Variants in TANC2 observed in about 807,000 individuals in gnomAD.
The protein encoded by TANC2 is tetratricopeptide repeat, ankyrin repeat and coiled-coil containing 2.
In TANC2, 26 loss-of-function variants were observed where a neutral mutation model predicts 210.5. The observed-to-expected ratio is 0.12, with a 90% CI of 0.09 to 0.17. The LOEUF (loss-of-function observed/expected upper bound fraction) is 0.17, where lower values mean the gene tolerates loss of function less well. Among genes scored for constraint, TANC2 ranks in the 10% least tolerant of loss-of-function variants. TANC2 has a pLI of 1.00. For missense variants in TANC2, 2,129 were observed against 2,608.9 expected, an observed-to-expected ratio of 0.82 and a Z score of 4.01; for synonymous variants, 931 against 967.1, an observed-to-expected ratio of 0.96 and a Z score of 0.69.
intron 10 of TANC2, among the ~76,000 whole-genome samples, chr17:63,318,040 G>A (rs545916453): frequency 6.6e-6 from 1 of 152,238 alleles, no homozygotes; most frequent in African/African-American, 2.4e-5. Context: ...CCACCCCCCT[G>A]CAGTTATCCA....
At chr17:63,266,227 A>C (rs1209203556) in intron 8 of TANC2, among the ~76,000 whole-genome samples, 1 of 152,158 alleles carries the variant, frequency 6.6e-6, no homozygotes, top group African/African-American at 2.4e-5. Flanking sequence ...AATTTTAATA[A>C]ATTTTTAATA....
intron 12 of TANC2, among the ~76,000 whole-genome samples, chr17:63,342,692 C>G (rs370400813): frequency 2.0e-5 from 3 of 151,940 alleles, no homozygotes; most frequent in African/African-American, 7.3e-5. Context: ...AGGAGAATGG[C>G]GTGAACCCGG....
intron 25 of TANC2, 120 bp downstream of exon 25, chr17:63,413,754 TC>T (rs2048777886): frequency 2.2e-6 from 2 of 890,712 alleles, no homozygotes; most frequent in Admixed American, 4.7e-5. Flanking sequence ...AAACTACTGT[TC>T]CTCAGTGATG....
intron 11 of TANC2, among the ~76,000 whole-genome samples, chr17:63,336,890 ATAG>A (rs2046049416): frequency 6.6e-6 from 1 of 152,224 alleles, no homozygotes; most frequent in Non-Finnish European, 1.5e-5. Context: ...AGGAGCTGTA[ATAG>A]TAGTGACTAT....
chr17:63,216,737 GTGT>G (rs1418309537), intron 7 of TANC2, among the ~76,000 whole-genome samples: 9 of 152,166 alleles, frequency 5.9e-5, no homozygotes, highest in Admixed American at 2.0e-4. Context: ...GGTATCAGAA[GTGT>G]TGTGAGTAAA....
At chr17:63,403,838 C>T (rs1319499996) in intron 19 of TANC2, among the ~76,000 whole-genome samples, 2 of 152,228 alleles carry the variant, frequency 1.3e-5, no homozygotes, top group East Asian at 3.9e-4. Context: ...TTTATACTTG[C>T]GGAAATTACA....
At position 63,421,860 on chromosome 17, in the gene TANC2, C is replaced by A; in HGVS notation, c.6130C>A (p.Gln2044Lys). ...GACTCTACCTGTGGCTCAGGCATACCAGGACAACCTGTACAGGCAGCTGTC... is the reference window on the plus strand; with the variant it reads ...GACTCTACCTGTGGCTCAGGCATACAAGGACAACCTGTACAGGCAGCTGTC... Residue 2044 changes from glutamine (Q) to lysine (K), a missense_variant, in exon 28 of 28, where the codon CAG (glutamine) becomes AAG (lysine). By Grantham distance (53) the Gln-to-Lys change is moderately conservative. Transcript: ENST00000689528. This position sits in a 1 kb window ranked among gnomAD's most constrained non-coding sequence, Gnocchi z 6.9. 6.2e-7 allele frequency: 1 copy of A among 1,614,002 alleles called. No individual in the cohort carries two copies. Among genetic ancestry groups the A allele is most frequent in the South Asian group, 1.1e-5 (1 of 91,078 alleles).
At chr17:63,121,929 TGCA>T (rs1455654117) in intron 4 of TANC2, among the ~76,000 whole-genome samples, 3 of 129,324 alleles carry the variant, frequency 2.3e-5, no homozygotes, top group Non-Finnish European at 3.1e-5. Flanking sequence ...ATTGTACCAC[TGCA>T]CTGTAGCCTG....
intron 19 of TANC2, among the ~76,000 whole-genome samples, chr17:63,403,165 T>C (rs529643568): frequency 6.6e-6 from 1 of 152,372 alleles, no homozygotes; most frequent in East Asian, 1.9e-4. Flanking sequence ...GGTCACTGGT[T>C]GTGAATATTC....
intron 12 of TANC2, among the ~76,000 whole-genome samples, chr17:63,346,444 T>G (rs1304988486): frequency 6.6e-6 from 1 of 152,196 alleles, no homozygotes; most frequent in Non-Finnish European, 1.5e-5. Context: ...GACAAGCGAT[T>G]TAGACACTTT....
intron 9 of TANC2, among the ~76,000 whole-genome samples, chr17:63,292,893 C>T (rs1234453716): frequency 2.0e-5 from 3 of 152,296 alleles, no homozygotes; most frequent in African/African-American, 4.8e-5. Context: ...CTAGCCTAAG[C>T]TTGCACAGAG....
rs565306580 is a variant in TANC2 at position 63,238,085 on chromosome 17, T to TTTG, written c.1033+27_1033+29dup. 1,273 of 1,527,978 alleles carry TTTG rather than the reference T, an allele frequency of 8.3e-4. 6 individuals carry two copies. The African/African-American group carries it at 0.011, about 14-fold the overall frequency. 94.7% of individuals were successfully genotyped at this position (1,527,978 alleles called of 1,614,324 possible). A position where few individuals can be genotyped will look rare whatever the true frequency, so the allele number is the denominator to read the frequency against. ...GGCCAAATTCAGTAGCAGGTAAGTT[T>TTTG]TTGTTGTTGTTGTTGTTGTTGCTGT... On this transcript the variant is annotated intron_variant, in intron 8 of 27. Transcript: ENST00000689528.
chr17:63,071,719 T>C (rs1249913539), intron 2 of TANC2, among the ~76,000 whole-genome samples: 1 of 152,180 alleles, frequency 6.6e-6, no homozygotes, highest in Non-Finnish European at 1.5e-5. Flanking sequence ...AAGGTTATAT[T>C]GTAAGACTAA....
In TANC2 at chr17:63,177,283, A is replaced by C. The variant is rs987890542; in HGVS notation, c.434-16708A>C. On this transcript the variant is annotated intron_variant, in intron 5 of 27. Coordinates refer to ENST00000689528, the Ensembl canonical transcript of TANC2. ...CTGTCTCAAAAAAAAAAAAAAAAAA[A>C]CACAAAATTTATTGAATTGTATATG... Among the ~76,000 whole-genome samples the C allele has an allele frequency of 2.4e-4, 36 of 150,524 alleles. No individual in the cohort carries two copies. In the South Asian group the frequency reaches 4.2e-3, roughly 18 times the overall value.
At chr17:63,169,642 C>T (rs1031225847) in intron 5 of TANC2, among the ~76,000 whole-genome samples, 29 of 151,918 alleles carry the variant, frequency 1.9e-4, no homozygotes, top group African/African-American at 6.0e-4. Context: ...GGTGAAACCC[C>T]GTCTCTACTA....
intron 5 of TANC2, among the ~76,000 whole-genome samples, chr17:63,172,549 C>T (rs1317449929): frequency 1.3e-5 from 2 of 152,020 alleles, no homozygotes; most frequent in African/African-American, 4.8e-5. Context: ...CTCAAACATC[C>T]AAACAAGAAA....
intron 2 of TANC2, among the ~76,000 whole-genome samples, chr17:63,068,519 TC>T (rs1451577256): frequency 6.6e-6 from 1 of 152,184 alleles, no homozygotes; most frequent in Non-Finnish European, 1.5e-5. Flanking sequence ...ATTGCAGACT[TC>T]CTTTTGAAGT....
intron 14 of TANC2, among the ~76,000 whole-genome samples, chr17:63,367,202 GCTT>G (rs2047135772): frequency 6.6e-6 from 1 of 152,164 alleles, no homozygotes; most frequent in African/African-American, 2.4e-5. Flanking sequence ...CACTTAGTGA[GCTT>G]CTTCTCCTCT....
intron 15 of TANC2, among the ~76,000 whole-genome samples, chr17:63,384,345 T>A (rs1008061203): frequency 6.6e-6 from 1 of 152,142 alleles, no homozygotes; most frequent in Non-Finnish European, 1.5e-5. Context: ...GTGCTGGGAT[T>A]ACCACCACTA....
Sources: gnomAD v4.1 joint callset for allele counts (sites outside exome capture counted in the v4.1 genomes callset) on GRCh38, gnomAD v4.1.1 for gene constraint, Gnocchi (gnomAD v3.1) non-coding constraint, MANE v1.5 for transcripts, NCBI Gene and HGNC (gene_info 2026-07-23, HGNC 2026-07-21) for gene names.